SYCP1: variants seen among roughly 807,000 people sequenced by gnomAD.
SYCP1 encodes the protein synaptonemal complex protein 1.
In SYCP1, 64 loss-of-function variants were observed where a neutral mutation model predicts 153.1. The observed-to-expected ratio is 0.42, with a 90% CI of 0.34 to 0.51. The LOEUF is 0.51. SYCP1 is among the 20% of genes least tolerant of loss of function. SYCP1 has a pLI of 0.06. For missense variants in SYCP1, 997 were observed against 1,049.0 expected (o/e 0.95, Z 0.68); for synonymous variants, 384 against 341.8 (o/e 1.12, Z -1.36).
At chr1:114,941,010 A>T (rs978592755) in intron 23 of SYCP1, among the ~76,000 whole-genome samples, 1 of 152,182 alleles carries the variant, frequency 6.6e-6, no homozygotes, top group Non-Finnish European at 1.5e-5. Flanking sequence ...ATACGATAGA[A>T]CTTTATGTGT....
At chr1:114,914,184 G>T in intron 20 of SYCP1, 139 bp downstream of exon 20, 2 of 591,374 alleles carry the variant, frequency 3.4e-6, no homozygotes, top group Non-Finnish European at 5.5e-6. Context: ...TCACTGTTGT[G>T]GAATCCTGCT....
intron 23 of SYCP1, among the ~76,000 whole-genome samples, chr1:114,927,968 A>G (rs1669367542): frequency 6.6e-6 from 1 of 151,990 alleles, no homozygotes; most frequent in Non-Finnish European, 1.5e-5. Context: ...CTACAGGAGT[A>G]TGCCATCACA....
At chr1:114,881,051 G>GTATATA (rs150631241) in intron 12 of SYCP1, among the ~76,000 whole-genome samples, 1,181 of 38,884 alleles carry the variant, frequency 0.03, 28 homozygotes, top group African/African-American at 0.081. Flanking sequence ...TCCAATTTGT[G>GTATATA]TATATACACA....
intron 27 of SYCP1, among the ~76,000 whole-genome samples, chr1:114,973,686 T>C (rs1357813424): frequency 2.6e-5 from 4 of 151,962 alleles, no homozygotes; most frequent in African/African-American, 9.7e-5. Flanking sequence ...TAACTACTTT[T>C]GTTTCTTTCC....
chr1:114,859,046 G>A (rs993254158), intron 6 of SYCP1, among the ~76,000 whole-genome samples: 8 of 152,038 alleles, frequency 5.3e-5, no homozygotes, highest in Non-Finnish European at 8.8e-5. Context: ...GATTACAATA[G>A]TTGTAGGTAA....
chr1:114,975,843 G>T lies in SYCP1; in HGVS notation c.2323-1714G>T, dbSNP rs980662401. 2.6e-5 allele frequency among the ~76,000 whole-genome samples: 4 copies of T among 151,708 alleles called. No individual in the cohort carries two copies. The East Asian group carries it at 7.7e-4, about 29-fold the overall frequency. On this transcript the variant is annotated intron_variant, in intron 27 of 31. Transcript: ENST00000369522. ...ATATGGAGAGAGAGATTCAAAGTTG[G>T]TCCTTTCAACTTTAAAATCTCTTAC...
intron 28 of SYCP1, among the ~76,000 whole-genome samples, chr1:114,978,802 AC>A (rs1225876811): frequency 6.6e-6 from 1 of 151,672 alleles, no homozygotes; most frequent in Non-Finnish European, 1.5e-5. Flanking sequence ...TGTGCTAGAC[AC>A]TTGAAAACAT....
chr1:114,938,951 T>C (rs1670211276), intron 23 of SYCP1, among the ~76,000 whole-genome samples: 1 of 152,126 alleles, frequency 6.6e-6, no homozygotes, highest in South Asian at 2.1e-4. Flanking sequence ...TCTCGAGCAC[T>C]GTTGATGGGA....
In SYCP1 at chr1:114,944,424, A is replaced by C. The variant is rs774859982; in HGVS notation, c.2012A>C (p.Lys671Thr). The stretch of plus-strand genomic sequence containing the variant: ...ACCTATCAGAAAGAAATTGAGGACA[A>C]AAAGATATCAGAAGAAAATCTTTTG... ...TDTYQKEIEDKKISEENLLEE... is the reference protein window; with the variant it reads ...TDTYQKEIEDTKISEENLLEE... The change falls in exon 24 of 32, where the codon AAA (lysine) becomes ACA (threonine). Residue 671 changes from lysine (K) to threonine (T), a missense_variant. Lys to Thr is a moderately conservative substitution (Grantham distance 78). Transcript: ENST00000369522. 1 of 1,603,298 alleles carries C rather than the reference A, an allele frequency of 6.2e-7. No individual in the cohort carries two copies. Among genetic ancestry groups the C allele is most frequent in the South Asian group, 1.1e-5 (1 of 89,012 alleles).
intron 15 of SYCP1, among the ~76,000 whole-genome samples, chr1:114,889,791 G>T (rs916743215): frequency 2.0e-5 from 3 of 152,100 alleles, no homozygotes; most frequent in African/African-American, 7.2e-5. Context: ...CCTATGTCCT[G>T]AATGGTATTA....
intron 27 of SYCP1, among the ~76,000 whole-genome samples, chr1:114,974,993 T>A (rs1034324830): frequency 6.6e-6 from 1 of 151,868 alleles, no homozygotes; most frequent in Non-Finnish European, 1.5e-5. Context: ...TCAGCATTTG[T>A]TATTTCCTAT....
chr1:114,862,170 A>G (rs895699869), intron 8 of SYCP1, among the ~76,000 whole-genome samples: 1 of 152,094 alleles, frequency 6.6e-6, no homozygotes, highest in African/African-American at 2.4e-5. Flanking sequence ...TCCAGAATGT[A>G]CCATACCACT....
intron 15 of SYCP1, among the ~76,000 whole-genome samples, chr1:114,890,768 C>G (rs968399285): frequency 9.2e-5 from 14 of 152,270 alleles, no homozygotes; most frequent in African/African-American, 3.4e-4. Flanking sequence ...TTATGCTTTA[C>G]TGCTAATTGG....
intron 27 of SYCP1, among the ~76,000 whole-genome samples, chr1:114,949,906 T>C (rs1670981203): frequency 6.6e-6 from 1 of 152,186 alleles, no homozygotes; most frequent in African/African-American, 2.4e-5. Context: ...TCGTATTGTG[T>C]TTCTTTCTGA....
Position 114,944,419 on chromosome 1 carries a change from G to A in SYCP1, c.2007G>A (p.Glu669=), listed in dbSNP as rs1299724612. The A allele has an allele frequency of 6.2e-7, 1 of 1,603,200 alleles. No individual in the cohort carries two copies. Among genetic ancestry groups the A allele is most frequent in the Admixed American group, 1.7e-5 (1 of 58,220 alleles). ...CAGACACCTATCAGAAAGAAATTGA[G>A]GACAAAAAGATATCAGAAGAAAATC... is the stretch of plus-strand genomic sequence containing the variant. ...EITDTYQKEI[E]DKKISEENLL... Residue 669 remains glutamate (E), a synonymous_variant, in exon 24 of 32, where the codon GAG becomes GAA. Coordinates refer to ENST00000369522, the MANE Select transcript of SYCP1 (RefSeq NM_003176.4).
chr1:114,871,527 T>C (rs1023825003), intron 8 of SYCP1, among the ~76,000 whole-genome samples: 2 of 152,108 alleles, frequency 1.3e-5, no homozygotes, highest in Non-Finnish European at 2.9e-5. Context: ...AAAGCATAAA[T>C]AAGCATTTAT....
intron 23 of SYCP1, among the ~76,000 whole-genome samples, chr1:114,931,204 C>T (rs958418766): frequency 6.6e-6 from 1 of 151,964 alleles, no homozygotes; most frequent in Middle Eastern, 3.2e-3. Flanking sequence ...GTGTCAAGAG[C>T]AATGTCTGCT....
chr1:114,909,096 A>G (rs749497828), intron 16 of SYCP1, among the ~76,000 whole-genome samples: 2 of 152,292 alleles, frequency 1.3e-5, no homozygotes, highest in East Asian at 1.9e-4. Flanking sequence ...GACTCTGTAT[A>G]TGAATGTATG....
intron 23 of SYCP1, 112 bp downstream of exon 23, chr1:114,926,675 C>A (rs2101741742): frequency 4.4e-6 from 4 of 902,666 alleles, no homozygotes; most frequent in Non-Finnish European, 6.4e-6. Flanking sequence ...ATAACAGTAT[C>A]AATTGAAAAG....
Sources: gnomAD v4.1 joint callset for allele counts (sites outside exome capture counted in the v4.1 genomes callset) on GRCh38, gnomAD v4.1.1 for gene constraint, MANE v1.5 for transcripts, NCBI Gene and HGNC (gene_info 2026-07-23, HGNC 2026-07-21) for gene names.